COP1: variants seen among roughly 807,000 people sequenced by gnomAD.
COP1 encodes the protein COP1 E3 ubiquitin ligase.
Under a neutral mutation model 101.3 loss-of-function variants are expected in COP1, and 24 were observed. The ratio of observed to expected loss-of-function variants is 0.24; its 90% confidence interval spans 0.17 to 0.33. COP1 has a LOEUF of 0.33. COP1 is among the 10% of genes least tolerant of loss of function. The probability of loss-of-function intolerance (pLI) is 1.00; values close to 1 mark genes in which losing one functional copy is unlikely to be tolerated. For synonymous variants in COP1, 347 were observed against 341.9 expected (o/e 1.01, Z -0.17); for missense variants, 663 against 906.2 (o/e 0.73, Z 3.45).
Position 176,149,036 on chromosome 1 carries a change from G to A in COP1, c.801C>T (p.Phe267=), listed in dbSNP as rs775960488. 1.9e-6 allele frequency: 3 copies of A among 1,587,634 alleles called. No individual in the cohort carries two copies. The highest frequency in any genetic ancestry group is 1.1e-5 in the South Asian group (1 of 86,964). The part of the protein sequence containing the change: ...HAAQLQILME[F]LKVARRNKRE... ...TCTTATTTCTTCTTGCAACCTTGAG[G>A]AATTCCATAAGAATCTGTAGTTGGG... Residue 267 remains phenylalanine (F), a synonymous_variant, in exon 6 of 20, where the codon TTC becomes TTT. Coordinates refer to ENST00000367669, the MANE Select transcript of COP1 (RefSeq NM_022457.7).
At chr1:175,998,168 G>A (rs1434019397) in intron 15 of COP1, among the ~76,000 whole-genome samples, 3 of 148,754 alleles carry the variant, frequency 2.0e-5, no homozygotes, top group Non-Finnish European at 4.5e-5. Context: ...GTAGGGACAT[G>A]GATGAAATTG....
intron 6 of COP1, among the ~76,000 whole-genome samples, chr1:176,147,371 T>C (rs558821151): frequency 6.6e-6 from 1 of 152,030 alleles, no homozygotes; most frequent in African/African-American, 2.4e-5. Flanking sequence ...AAGTAGTAGA[T>C]AAACGTTTAC....
intron 18 of COP1, among the ~76,000 whole-genome samples, chr1:175,961,301 C>T (rs1651311350): frequency 6.6e-6 from 1 of 152,164 alleles, no homozygotes; most frequent in African/African-American, 2.4e-5. Context: ...AAGAAACGCT[C>T]CCAAATTGAT....
intron 13 of COP1, 25 bp from the exon 14 acceptor site, chr1:176,043,292 C>T: frequency 2.1e-6 from 3 of 1,428,128 alleles, no homozygotes; most frequent in Non-Finnish European, 3.0e-6. Flanking sequence ...AAGACAGTAG[C>T]CTCAGATAGA....
Position 176,146,227 on chromosome 1 carries a change from T to C in COP1, c.831+2779A>G, listed in dbSNP as rs531870750. On this transcript the variant is annotated intron_variant, in intron 6 of 19. Coordinates refer to ENST00000367669, the MANE Select transcript of COP1 (RefSeq NM_022457.7). ...TGCACAGAGAAGACTGGCTTTTACA[T>C]GGAACCCAACACCCTTTTGTTTAAT... Among the ~76,000 whole-genome samples the C allele has an allele frequency of 2.2e-4, 33 of 152,298 alleles. 1 individual carries two copies. In the South Asian group the frequency reaches 6.6e-3, roughly 31 times the overall value.
At chr1:176,083,516 A>G (rs1679570594) in intron 10 of COP1, among the ~76,000 whole-genome samples, 1 of 152,198 alleles carries the variant, frequency 6.6e-6, no homozygotes, top group African/African-American at 2.4e-5. Flanking sequence ...TTTATCATCA[A>G]CATCCACACA....
chr1:176,181,368 T>C (rs1026807890), intron 2 of COP1, among the ~76,000 whole-genome samples: 3 of 151,308 alleles, frequency 2.0e-5, no homozygotes, highest in Admixed American at 6.6e-5. Flanking sequence ...TGAAGTTCCA[T>C]AGCCCTCACA....
chr1:176,163,017 A>T (rs1694568385), intron 4 of COP1, 29 bp from the exon 5 acceptor site: 1 of 1,591,416 alleles, frequency 6.3e-7, no homozygotes, highest in Non-Finnish European at 8.5e-7. Context: ...GAAACACAAC[A>T]ACTTCCTATG....
chr1:176,063,553 A>G (rs964022252), intron 11 of COP1, among the ~76,000 whole-genome samples: 9 of 152,238 alleles, frequency 5.9e-5, no homozygotes, highest in Non-Finnish European at 8.8e-5. Flanking sequence ...ATCAAGTTTT[A>G]TAACTCCACA....
intron 5 of COP1, among the ~76,000 whole-genome samples, chr1:176,151,909 A>G (rs1037887243): frequency 6.6e-6 from 1 of 151,474 alleles, no homozygotes; most frequent in African/African-American, 2.4e-5. Context: ...AGTTCACTCT[A>G]CAACAGTTGT....
chr1:176,123,503 T>A (rs1305223962), intron 8 of COP1, among the ~76,000 whole-genome samples: 48 of 152,096 alleles, frequency 3.2e-4, no homozygotes, highest in Non-Finnish European at 1.5e-5. Context: ...GACTCTAACC[T>A]GAAAGGACAA....
At chr1:176,187,762 G>C (rs1314541204) in intron 1 of COP1, among the ~76,000 whole-genome samples, 1 of 152,056 alleles carries the variant, frequency 6.6e-6, no homozygotes, top group Non-Finnish European at 1.5e-5. Context: ...TACAATGCCT[G>C]GCACACAATA....
At chr1:176,116,196 G>A (rs934026123) in intron 9 of COP1, among the ~76,000 whole-genome samples, 1 of 151,852 alleles carries the variant, frequency 6.6e-6, no homozygotes, top group African/African-American at 2.4e-5. Context: ...TGGACAACAC[G>A]GTGAAATCCA....
chr1:175,970,489 A>C (rs574770392), intron 18 of COP1, among the ~76,000 whole-genome samples: 5 of 152,204 alleles, frequency 3.3e-5, no homozygotes, highest in Non-Finnish European at 7.4e-5. Flanking sequence ...TGAATGTAAT[A>C]GTTTAGATAC....
intron 5 of COP1, among the ~76,000 whole-genome samples, chr1:176,153,370 T>C (rs1408091210): frequency 1.3e-5 from 2 of 152,214 alleles, no homozygotes; most frequent in Non-Finnish European, 2.9e-5. Context: ...AATCCTTTTA[T>C]AAGTCAGGTA....
At chr1:176,143,766 G>A (rs1691118738) in intron 6 of COP1, among the ~76,000 whole-genome samples, 2 of 152,038 alleles carry the variant, frequency 1.3e-5, no homozygotes, top group African/African-American at 4.8e-5. Context: ...GGGCCAATCA[G>A]GATGGTTGGT....
chr1:176,064,449 T>C (rs1221828780), intron 11 of COP1, among the ~76,000 whole-genome samples: 1 of 152,188 alleles, frequency 6.6e-6, no homozygotes, highest in African/African-American at 2.4e-5. Flanking sequence ...ATTTGTCAAA[T>C]GTAATACATT....
chr1:176,088,118 G>A (rs1486742869), intron 9 of COP1, among the ~76,000 whole-genome samples: 1 of 152,110 alleles, frequency 6.6e-6, no homozygotes, highest in Non-Finnish European at 1.5e-5. Flanking sequence ...GTGGGGGGAT[G>A]GGTGAGGGAT....
intron 5 of COP1, among the ~76,000 whole-genome samples, chr1:176,157,416 T>G (rs1693645852): frequency 6.6e-6 from 1 of 152,132 alleles, no homozygotes; most frequent in African/African-American, 2.4e-5. Context: ...GGGACTAGAT[T>G]TACATTCCTG....
Sources: gnomAD v4.1 joint callset for allele counts (sites outside exome capture counted in the v4.1 genomes callset) on GRCh38, gnomAD v4.1.1 for gene constraint, MANE v1.5 for transcripts, NCBI Gene and HGNC (gene_info 2026-07-23, HGNC 2026-07-21) for gene names.